IVL: variants seen among roughly 807,000 people sequenced by gnomAD.
IVL encodes involucrin.
For missense variants in IVL, 722 were observed against 624.9 expected, an observed-to-expected ratio of 1.16 and a Z score of -1.66; for synonymous variants, 257 against 271.0, an observed-to-expected ratio of 0.95 and a Z score of 0.51.
rs746939066 is a variant in IVL at position 152,911,595 on chromosome 1, A to G, written c.*40A>G. On this transcript the variant is annotated 3_prime_UTR_variant, in exon 2 of 2. Coordinates refer to ENST00000368764, the MANE Select transcript of IVL (RefSeq NM_005547.4). ...CAGAGGCCCTCAGATCGTCTCATACAAGGGAAGAGAGAGCCACTGGCTCCA... is the reference window on the plus strand; with the variant it reads ...CAGAGGCCCTCAGATCGTCTCATACGAGGGAAGAGAGAGCCACTGGCTCCA... 1 of 1,540,710 alleles carries G rather than the reference A, an allele frequency of 6.5e-7. No homozygotes were observed. Among genetic ancestry groups the G allele is most frequent in the Non-Finnish European group, 8.7e-7 (1 of 1,143,718 alleles).
intron 1 of IVL, among the ~76,000 whole-genome samples, chr1:152,909,571 G>C (rs1557864041): frequency 6.6e-6 from 1 of 152,114 alleles, no homozygotes; most frequent in Admixed American, 6.5e-5. Flanking sequence ...GGAACAAGGA[G>C]GCTCCTAGGA....
chr1:152,908,995 A>T (rs933716563), intron 1 of IVL, among the ~76,000 whole-genome samples: 1 of 152,132 alleles, frequency 6.6e-6, no homozygotes, highest in African/African-American at 2.4e-5. Context: ...CAGAATGGGG[A>T]AACCTTTCTA....
At chr1:152,909,728 A>T in intron 1 of IVL, 51 bp from the exon 2 acceptor site, 1 of 1,438,056 alleles carries the variant, frequency 7.0e-7, no homozygotes, top group Non-Finnish European at 9.5e-7. Flanking sequence ...CCAAGGTTTC[A>T]TCTATTTCCT....
chr1:152,909,148 G>A lies in IVL; in HGVS notation c.-20+559G>A, dbSNP rs578125556. Among the ~76,000 whole-genome samples, 47 of 152,246 alleles carry A rather than the reference G, an allele frequency of 3.1e-4. 1 individual carries two copies. The highest frequency in any genetic ancestry group is 1.7e-3 in the Admixed American group (26 of 15,302). Reference sequence around the variant, plus strand: ...AAGGACTGCAGCTAAACCTCAGAAGGTCAGGAGAGAAAGCAGCCCTGGGGT... The same window carrying A: ...AAGGACTGCAGCTAAACCTCAGAAGATCAGGAGAGAAAGCAGCCCTGGGGT... On this transcript the variant is annotated intron_variant, in intron 1 of 1. Transcript: ENST00000368764.
Position 152,911,057 on chromosome 1 carries a change from G to A in IVL, c.1260G>A (p.Val420=), listed in dbSNP as rs1570915353. 6.4e-7 allele frequency: 1 copy of A among 1,550,434 alleles called. No homozygotes were observed. The highest frequency in any genetic ancestry group is 8.7e-7 in the Non-Finnish European group (1 of 1,146,748). The change falls in exon 2 of 2, where the codon GTG becomes GTA. Residue 420 remains valine, a synonymous_variant. Coordinates refer to ENST00000368764, the MANE Select transcript of IVL (RefSeq NM_005547.4). Reference sequence around the variant, plus strand: ...AGCTGGAGCAGCAGGAGAGGCAGGTGGAGCACCTGGAGCAGCAGGTGGGGC... The same window carrying A: ...AGCTGGAGCAGCAGGAGAGGCAGGTAGAGCACCTGGAGCAGCAGGTGGGGC... ...EGQLEQQERQ[V]EHLEQQVGQL...
Position 152,911,120 on chromosome 1 carries a change from G to T in IVL, c.1323G>T (p.Lys441Asn), listed in dbSNP as rs377070079. Residue 441 changes from lysine (K) to asparagine (N), a missense_variant, in exon 2 of 2, where the codon AAG becomes AAT. Physicochemically the swap from Lys to Asn is moderately conservative, Grantham distance 94. Transcript: ENST00000368764. ...KHLEEQEGQL[K>N]HLEQQQGQLE... ...TAGAGGAGCAGGAGGGACAACTGAA[G>T]CATCTGGAGCAGCAGCAGGGGCAGT... 7 of 1,554,406 alleles carry T rather than the reference G, an allele frequency of 4.5e-6. No individual in the cohort carries two copies. Among genetic ancestry groups the T allele is most frequent in the Non-Finnish European group, 6.1e-6 (7 of 1,148,462 alleles).
chr1:152,911,549 T>C lies in IVL; in HGVS notation c.1752T>C (p.His584=). The change falls in exon 2 of 2, where the codon CAT becomes CAC. Residue 584 remains histidine (H), a synonymous_variant. Coordinates refer to ENST00000368764, the MANE Select transcript of IVL (RefSeq NM_005547.4). ...AGGAGGTGCAGTGGCCACCCAAACA[T>C]AAATAACCACCCGCAGTGTCCAGAG... is the stretch of plus-strand genomic sequence containing the variant. The part of the protein sequence containing the change: ...QKQEVQWPPK[H]K 1.2e-6 allele frequency: 2 copies of C among 1,609,458 alleles called. No homozygotes were observed. The highest frequency in any genetic ancestry group is 2.7e-5 in the African/African-American group (2 of 74,962).
At position 152,910,219 on chromosome 1, in the gene IVL, G is replaced by T; in HGVS notation, c.422G>T (p.Arg141Ile). ...CAACTGGATCAAGAGCTAGTCAAGA[G>T]AGATGAGCAACTGGGAATGAAGAAA... ...DQQLDQELVKRDEQLGMKKEQ... is the reference protein window; with the variant it reads ...DQQLDQELVKIDEQLGMKKEQ... Residue 141 changes from arginine (R) to isoleucine (I), a missense_variant, in exon 2 of 2, where the codon AGA becomes ATA. Arg to Ile is a moderately conservative substitution (Grantham distance 97). Transcript: ENST00000368764. 1.9e-6 allele frequency: 3 copies of T among 1,614,234 alleles called. No homozygotes were observed. Among genetic ancestry groups the T allele is most frequent in the Non-Finnish European group, 2.5e-6 (3 of 1,180,040 alleles).
intron 1 of IVL, 125 bp from the exon 2 acceptor site, chr1:152,909,654 G>A: frequency 1.4e-6 from 1 of 698,564 alleles, no homozygotes; most frequent in South Asian, 1.9e-5. Flanking sequence ...GTCCAGAGGT[G>A]GTAGAACAGT....
Position 152,909,890 on chromosome 1 carries a change from G to C in IVL, c.93G>C (p.Gln31His). The change falls in exon 2 of 2, where the codon CAG becomes CAC. Residue 31 changes from glutamine to histidine, a missense_variant. By Grantham distance (24) the Gln-to-His change is conservative. Transcript: ENST00000368764. Reference sequence around the variant, plus strand: ...TTCCTCCTCCAGTCAATACCCATCAGGAGCAAATGAAACAGCCAACTCCAC... The same window carrying C: ...TTCCTCCTCCAGTCAATACCCATCACGAGCAAATGAAACAGCCAACTCCAC... ...KTVPPPVNTHQEQMKQPTPLP... is the reference protein window; with the variant it reads ...KTVPPPVNTHHEQMKQPTPLP... The C allele has an allele frequency of 6.2e-7, 1 of 1,614,156 alleles. No individual in the cohort carries two copies. The highest frequency in any genetic ancestry group is 1.7e-5 in the Admixed American group (1 of 60,022).
Position 152,910,878 on chromosome 1 carries a change from G to C in IVL, c.1081G>C (p.Gly361Arg), listed in dbSNP as rs1187460805. ...GCTGGAGCACCTGGAGCACCAGGAA[G>C]GGCAGCTGGGGCTCCCAGAGCAGCA... ...GQLEHLEHQEGQLGLPEQQVL... is the reference protein window; with the variant it reads ...GQLEHLEHQERQLGLPEQQVL... The change falls in exon 2 of 2, where the codon GGG (glycine) becomes CGG (arginine). Residue 361 changes from glycine to arginine, a missense_variant. Coordinates refer to ENST00000368764, the MANE Select transcript of IVL (RefSeq NM_005547.4). The C allele has an allele frequency of 6.4e-7, 1 of 1,550,938 alleles. No individual in the cohort carries two copies. The highest frequency in any genetic ancestry group is 8.7e-7 in the Non-Finnish European group (1 of 1,146,972).
Position 152,911,419 on chromosome 1 carries a change from A to T in IVL, c.1622A>T (p.Glu541Val). Reference protein sequence around the residue: ...KDLEQQKGQLEQPVFAPAPGQ... With the variant: ...KDLEQQKGQLVQPVFAPAPGQ... ...CTGGAGCAGCAGAAGGGGCAGCTGG[A>T]GCAGCCTGTGTTTGCCCCAGCTCCA... is the stretch of plus-strand genomic sequence containing the variant. Residue 541 changes from glutamate (E) to valine (V), a missense_variant, in exon 2 of 2, where the codon GAG (glutamate) becomes GTG (valine). Physicochemically the swap from Glu to Val is moderately radical, Grantham distance 121. Transcript: ENST00000368764. 1 of 1,614,116 alleles carries T rather than the reference A, an allele frequency of 6.2e-7. No individual in the cohort carries two copies. The highest frequency in any genetic ancestry group is 1.3e-5 in the African/African-American group (1 of 75,060).
At chr1:152,909,622 C>T (rs1046111490) in intron 1 of IVL, among the ~76,000 whole-genome samples, 157 bp from the exon 2 acceptor site, 1 of 152,186 alleles carries the variant, frequency 6.6e-6, no homozygotes, top group Non-Finnish European at 1.5e-5. Context: ...CCTTCTCTCT[C>T]TGCTGCTTTT....
intron 1 of IVL, among the ~76,000 whole-genome samples, chr1:152,909,439 C>G (rs1035535744): frequency 3.3e-5 from 5 of 152,172 alleles, no homozygotes; most frequent in African/African-American, 1.2e-4. Flanking sequence ...CATCTCTGCT[C>G]CTTGGTCAGT....
Position 152,911,831 on chromosome 1 carries a change from G to T in IVL, c.*276G>T. 4 of 447,682 alleles carry T rather than the reference G, an allele frequency of 8.9e-6. No individual in the cohort carries two copies. Among genetic ancestry groups the T allele is most frequent in the Non-Finnish European group, 1.6e-5 (4 of 244,406 alleles). 27.7% of individuals were successfully genotyped at this position (447,682 alleles called of 1,614,324 possible). ...TCCTTACTTCCCCAGTATTGAAGCT[G>T]AATCAGTGAGTGTGTACAATGATAC... is the stretch of plus-strand genomic sequence containing the variant. On this transcript the variant is annotated 3_prime_UTR_variant, in exon 2 of 2. Coordinates refer to ENST00000368764, the MANE Select transcript of IVL (RefSeq NM_005547.4).
At position 152,911,063 on chromosome 1, in the gene IVL, C is replaced by G; in HGVS notation, c.1266C>G (p.His422Gln). 6.5e-7 allele frequency: 1 copy of G among 1,545,842 alleles called. No homozygotes were observed. The highest frequency in any genetic ancestry group is 1.2e-5 in the South Asian group (1 of 83,742). ...AGCAGCAGGAGAGGCAGGTGGAGCA[C>G]CTGGAGCAGCAGGTGGGGCAGCTGA... ...QLEQQERQVE[H>Q]LEQQVGQLKH... The change falls in exon 2 of 2, where the codon CAC becomes CAG. Residue 422 changes from histidine (H) to glutamine (Q), a missense_variant. His to Gln is a conservative substitution (Grantham distance 24). Transcript: ENST00000368764.
chr1:152,910,923 C>T lies in IVL; in HGVS notation c.1126C>T (p.Leu376=), dbSNP rs942601960. 6.4e-7 allele frequency: 1 copy of T among 1,550,508 alleles called. No individual in the cohort carries two copies. Among genetic ancestry groups the T allele is most frequent in the Non-Finnish European group, 8.7e-7 (1 of 1,146,846 alleles). The stretch of plus-strand genomic sequence containing the variant: ...GCAGCAGGTGCTGCAGCTGAAGCAG[C>T]TAGAGAAGCAGCAGGGGCAGCCAAA... ...PEQQVLQLKQ[L]EKQQGQPKHL... The change falls in exon 2 of 2, where the codon CTA becomes TTA. Residue 376 remains leucine, a synonymous_variant. Coordinates refer to ENST00000368764, the MANE Select transcript of IVL (RefSeq NM_005547.4).
intron 1 of IVL, among the ~76,000 whole-genome samples, chr1:152,909,004 T>C (rs765039906): frequency 4.2e-4 from 64 of 152,280 alleles, no homozygotes; most frequent in Non-Finnish European, 8.1e-4. Context: ...GAAACCTTTC[T>C]ATTTGGAGAA....
In IVL at chr1:152,911,419, A is replaced by C; in HGVS notation, c.1622A>C (p.Glu541Ala). The C allele has an allele frequency of 6.2e-7, 1 of 1,614,116 alleles. No homozygotes were observed. Among genetic ancestry groups the C allele is most frequent in the East Asian group, 2.2e-5 (1 of 44,880 alleles). Residue 541 changes from glutamate to alanine, a missense_variant, in exon 2 of 2, where the codon GAG (glutamate) becomes GCG (alanine). Glu to Ala is a moderately radical substitution (Grantham distance 107). Transcript: ENST00000368764. ...KDLEQQKGQL[E>A]QPVFAPAPGQ... ...CTGGAGCAGCAGAAGGGGCAGCTGG[A>C]GCAGCCTGTGTTTGCCCCAGCTCCA...
Sources: gnomAD v4.1 joint callset for allele counts (sites outside exome capture counted in the v4.1 genomes callset) on GRCh38, gnomAD v4.1.1 for gene constraint, MANE v1.5 for transcripts, NCBI Gene and HGNC (gene_info 2026-07-23, HGNC 2026-07-21) for gene names.